The following TPRG1 variants were observed in gnomAD, a reference collection of about 807,000 sequenced individuals.
TPRG1 encodes tumor protein p63 regulated 1.
TPRG1 carries 29 observed loss-of-function variants against 29.3 expected under a neutral mutation model. The observed-to-expected ratio is 0.99, with a 90% CI of 0.74 to 1.35. The LOEUF (loss-of-function observed/expected upper bound fraction) is 1.35, where lower values mean the gene tolerates loss of function less well. TPRG1 is among the 40% of genes most tolerant of loss of function. TPRG1 has a pLI of 0.00. For synonymous variants in TPRG1, 130 were observed against 116.8 expected, an observed-to-expected ratio of 1.11 and a Z score of -0.73; for missense variants, 327 against 335.0, an observed-to-expected ratio of 0.98 and a Z score of 0.19.
At chr3:189,217,078 G>A (rs1578869396) in intron 3 of TPRG1, among the ~76,000 whole-genome samples, 1 of 152,138 alleles carries the variant, frequency 6.6e-6, no homozygotes, top group African/African-American at 2.4e-5. Context: ...ATAGAAATAT[G>A]CTTTTTTTGT....
At chr3:189,074,813 AC>A (rs1717036081) in intron 4 of TPRG1, among the ~76,000 whole-genome samples, 2 of 140,484 alleles carry the variant, frequency 1.4e-5, no homozygotes, top group Non-Finnish European at 3.0e-5. Flanking sequence ...CTGTCAGCCT[AC>A]CTTTTTTTTT....
intron 4 of TPRG1, among the ~76,000 whole-genome samples, chr3:189,244,640 G>A (rs1381889269): frequency 1.3e-5 from 2 of 152,084 alleles, no homozygotes; most frequent in Non-Finnish European, 2.9e-5. Flanking sequence ...CTATCATGAG[G>A]AGAGTACCAA....
At chr3:189,026,434 G>A (rs1713667614) in intron 4 of TPRG1, among the ~76,000 whole-genome samples, 1 of 152,120 alleles carries the variant, frequency 6.6e-6, no homozygotes, top group African/African-American at 2.4e-5. Context: ...TTTGACATAT[G>A]AACTTTGGGG....
intron 4 of TPRG1, among the ~76,000 whole-genome samples, chr3:189,263,735 G>A (rs1245475499): frequency 6.6e-6 from 1 of 152,186 alleles, no homozygotes; most frequent in Non-Finnish European, 1.5e-5. Context: ...TTGGGGAATG[G>A]TATTATATAA....
intron 1 of TPRG1, among the ~76,000 whole-genome samples, chr3:189,116,868 T>C (rs1721239106): frequency 6.6e-6 from 1 of 152,164 alleles, no homozygotes; most frequent in Non-Finnish European, 1.5e-5. Context: ...TGTAGAACAG[T>C]GTGAATGTAC....
At chr3:189,201,691 C>G (rs1733516397) in intron 1 of TPRG1, among the ~76,000 whole-genome samples, 1 of 151,808 alleles carries the variant, frequency 6.6e-6, no homozygotes, top group Non-Finnish European at 1.5e-5. Flanking sequence ...TCCATTTCAC[C>G]CAGGCTGGAG....
chr3:189,312,764 G>A (rs1435598304), intron 5 of TPRG1, among the ~76,000 whole-genome samples: 1 of 152,132 alleles, frequency 6.6e-6, no homozygotes, highest in Admixed American at 6.5e-5. Context: ...ATCAAAGAGG[G>A]TATGGAATAT....
chr3:189,160,872 G>A (rs1032629293), intron 5 of TPRG1, among the ~76,000 whole-genome samples: 1 of 152,308 alleles, frequency 6.6e-6, no homozygotes, highest in South Asian at 2.1e-4. Context: ...GTGTTTGTTT[G>A]TTTGTCGTTG....
Position 189,238,957 on chromosome 3 carries a change from C to A in TPRG1, c.479+48C>A, listed in dbSNP as rs183975678. ...AAGAAGTGGTGCAGCAGGGATGGAC[C>A]TGCAGGGAAAACAAGCCGAAAATTC... On this transcript the variant is annotated intron_variant, in intron 4 of 5. Transcript: ENST00000345063. 224 of 1,487,212 alleles carry A rather than the reference C, an allele frequency of 1.5e-4. No homozygotes were observed. The African/African-American group carries it at 2.7e-3, about 18-fold the overall frequency. The allele number at this position is 1,487,212 out of a possible 1,614,324, so 92.1% of individuals were successfully genotyped here. A position where few individuals can be genotyped will look rare whatever the true frequency, so the allele number is the denominator to read the frequency against.
At chr3:189,203,443 C>T (rs775332667) in intron 1 of TPRG1, among the ~76,000 whole-genome samples, 3 of 151,956 alleles carry the variant, frequency 2.0e-5, no homozygotes, top group Non-Finnish European at 1.5e-5. Context: ...TATTTTCTTT[C>T]TAGTCTTTAC....
chr3:189,105,683 C>G (rs368283939), intron 1 of TPRG1, among the ~76,000 whole-genome samples: 19 of 152,078 alleles, frequency 1.2e-4, no homozygotes, highest in East Asian at 7.7e-4. Context: ...TCTGGTCTAC[C>G]AGTTTTACTG....
At chr3:189,089,913 A>AT (rs1718229448) in intron 4 of TPRG1, among the ~76,000 whole-genome samples, 1 of 151,692 alleles carries the variant, frequency 6.6e-6, no homozygotes, top group Admixed American at 6.6e-5. Context: ...TTTTTATGAG[A>AT]TTTTTCCAGG....
intron 5 of TPRG1, chr3:189,315,441 C>T (rs1159201535): frequency 1.1e-5 from 5 of 446,038 alleles, no homozygotes; most frequent in East Asian, 1.4e-4. Flanking sequence ...GTATTTGCAA[C>T]TTATAGCCTT....
chr3:189,315,278 TTGTGTGTGTGTG>T (rs34255648), intron 5 of TPRG1, among the ~76,000 whole-genome samples: 3 of 143,412 alleles, frequency 2.1e-5, no homozygotes, highest in East Asian at 2.0e-4. Flanking sequence ...CCTGAAAGAA[TTGTGTGTGTGTG>T]TGTGTGTGTG....
At chr3:189,114,955 A>G (rs1720996725) in intron 1 of TPRG1, among the ~76,000 whole-genome samples, 2 of 152,222 alleles carry the variant, frequency 1.3e-5, no homozygotes, top group African/African-American at 4.8e-5. Context: ...CTCCTACTGT[A>G]TCTCTTTTAG....
At chr3:189,286,337 A>G (rs185836536) in intron 4 of TPRG1, among the ~76,000 whole-genome samples, 5 of 152,066 alleles carry the variant, frequency 3.3e-5, no homozygotes, top group Non-Finnish European at 7.4e-5. Context: ...CACATAGTAT[A>G]TATTTGTTCA....
chr3:189,266,578 A>T (rs1229877903), intron 4 of TPRG1, among the ~76,000 whole-genome samples: 1 of 152,160 alleles, frequency 6.6e-6, no homozygotes, highest in Non-Finnish European at 1.5e-5. Flanking sequence ...TTTTGTGATC[A>T]AGAAAGCACA....
chr3:189,025,012 C>T (rs1028176656), intron 4 of TPRG1, among the ~76,000 whole-genome samples: 1 of 152,224 alleles, frequency 6.6e-6, no homozygotes, highest in African/African-American at 2.4e-5. Flanking sequence ...GAAGTGGGTC[C>T]TGCAGACTGA....
At chr3:189,031,995 A>C (rs1316070500) in intron 4 of TPRG1, among the ~76,000 whole-genome samples, 2 of 152,186 alleles carry the variant, frequency 1.3e-5, no homozygotes, top group Non-Finnish European at 2.9e-5. Context: ...GTCGTTTATA[A>C]AAGATGTGGG....
Sources: gnomAD v4.1 joint callset for allele counts (sites outside exome capture counted in the v4.1 genomes callset) on GRCh38, gnomAD v4.1.1 for gene constraint, MANE v1.5 for transcripts, NCBI Gene and HGNC (gene_info 2026-07-23, HGNC 2026-07-21) for gene names.